Variants in DHRSX observed in about 807,000 individuals in gnomAD.
The protein encoded by DHRSX is polyprenol dehydrogenase.
In DHRSX, 31 loss-of-function variants were observed where a neutral mutation model predicts 34.0. That is an observed-to-expected ratio of 0.91 (90% CI 0.69 to 1.23). The LOEUF is 1.23. Ranked by LOEUF, DHRSX falls within the 50% of genes most tolerant of loss-of-function variation. The pLI is 0.00. For missense variants in DHRSX, 414 were observed against 428.1 expected (o/e 0.97, Z 0.29); for synonymous variants, 201 against 183.8 (o/e 1.09, Z -0.76).
At chrX:2,400,160 A>G (rs1031856797) in intron 3 of DHRSX, among the ~76,000 whole-genome samples, 6 of 152,196 alleles carry the variant, frequency 3.9e-5, no homozygotes, top group African/African-American at 1.4e-4. Flanking sequence ...CATTCACATA[A>G]AGTGCTGTGA....
chrX:2,405,728 C>T (rs2043545218), intron 3 of DHRSX, among the ~76,000 whole-genome samples: 1 of 151,564 alleles, frequency 6.6e-6, no homozygotes, highest in Admixed American at 6.6e-5. Context: ...GCCTGGGAGG[C>T]GGAGGTTGCA....
chrX:2,439,144 G>C (rs1330590900), intron 1 of DHRSX, among the ~76,000 whole-genome samples: 1 of 142,912 alleles, frequency 7.0e-6, no homozygotes, highest in Non-Finnish European at 1.5e-5. Flanking sequence ...AGACTTTTTT[G>C]TCTCAAAAAA....
At chrX:2,330,208 A>AG (rs1250222213) in intron 3 of DHRSX, among the ~76,000 whole-genome samples, 1 of 141,790 alleles carries the variant, frequency 7.1e-6, no homozygotes, top group East Asian at 2.1e-4. Context: ...GGGGAAGAGG[A>AG]GGTGAAGGAG....
chrX:2,440,457 C>T (rs1254374093), intron 1 of DHRSX, among the ~76,000 whole-genome samples: 1 of 152,028 alleles, frequency 6.6e-6, no homozygotes. Flanking sequence ...CCACCTTGGC[C>T]TCCCAAAATG....
At chrX:2,429,995 G>A (rs1289419896) in intron 1 of DHRSX, among the ~76,000 whole-genome samples, 5 of 152,132 alleles carry the variant, frequency 3.3e-5, no homozygotes, top group Non-Finnish European at 7.3e-5. Flanking sequence ...AAAAAGGTAG[G>A]GGAAGAGACA....
At chrX:2,337,018 C>T (rs1373530049) in intron 3 of DHRSX, among the ~76,000 whole-genome samples, 1 of 152,026 alleles carries the variant, frequency 6.6e-6, no homozygotes, top group Non-Finnish European at 1.5e-5. Flanking sequence ...GTTGGCCAGG[C>T]TGGTCTTGAA....
At chrX:2,422,365 C>T (rs1342374230) in intron 2 of DHRSX, among the ~76,000 whole-genome samples, 1 of 152,034 alleles carries the variant, frequency 6.6e-6, no homozygotes, top group Non-Finnish European at 1.5e-5. Context: ...CTGGCTCAAG[C>T]GATGCTCCCG....
intron 1 of DHRSX, among the ~76,000 whole-genome samples, chrX:2,476,427 G>C (rs1233753674): frequency 1.4e-5 from 2 of 146,904 alleles, no homozygotes; most frequent in Non-Finnish European, 3.0e-5. Context: ...GAAAAGAAAA[G>C]AAAACAGACA....
chrX:2,365,360 G>A (rs56152047), intron 3 of DHRSX, among the ~76,000 whole-genome samples: 48,432 of 151,814 alleles, frequency 0.32, 9,048 homozygotes, highest in Non-Finnish European at 0.44. Flanking sequence ...GGCTGGTCTC[G>A]AACTCCTGAC....
intron 3 of DHRSX, among the ~76,000 whole-genome samples, chrX:2,295,449 T>C (rs1311057859): frequency 6.6e-6 from 1 of 152,126 alleles, no homozygotes; most frequent in African/African-American, 2.4e-5. Context: ...AGGGAAGGGA[T>C]AGCTTTAGGA....
At chrX:2,433,822 T>C (rs190268387) in intron 1 of DHRSX, among the ~76,000 whole-genome samples, 21 of 152,304 alleles carry the variant, frequency 1.4e-4, no homozygotes, top group Admixed American at 1.2e-3. Context: ...TCGCCCAGGC[T>C]GGAATGCAGT....
chrX:2,336,848 T>TAGATATAG (rs1556479868), intron 3 of DHRSX, among the ~76,000 whole-genome samples: 3 of 151,576 alleles, frequency 2.0e-5, no homozygotes, highest in African/African-American at 7.2e-5. Context: ...GATAGATAGA[T>TAGATATAG]ATAGATAGAT....
chrX:2,464,108 G>C (rs1244549303), intron 1 of DHRSX, among the ~76,000 whole-genome samples: 1 of 152,046 alleles, frequency 6.6e-6, no homozygotes, highest in East Asian at 1.9e-4. Context: ...CCCTAAGTAC[G>C]TGGCTAAGGG....
chrX:2,475,557 G>C (rs1030400686), intron 1 of DHRSX, among the ~76,000 whole-genome samples: 6 of 151,848 alleles, frequency 4.0e-5, no homozygotes, highest in African/African-American at 1.2e-4. Context: ...CTAAGGGACC[G>C]CCGCCAGGTA....
At chrX:2,323,695 G>T (rs1230812468) in intron 3 of DHRSX, among the ~76,000 whole-genome samples, 1 of 152,120 alleles carries the variant, frequency 6.6e-6, no homozygotes. Context: ...CTCGAGCCCG[G>T]GAGGCTGAAG....
intron 3 of DHRSX, among the ~76,000 whole-genome samples, chrX:2,326,393 G>A (rs1325341751): frequency 6.6e-6 from 1 of 152,028 alleles, no homozygotes; most frequent in Admixed American, 6.6e-5. Context: ...CGTGGTGGCA[G>A]GCACCTGTAA....
chrX:2,437,985 G>A (rs780220333), intron 1 of DHRSX, among the ~76,000 whole-genome samples: 48 of 145,866 alleles, frequency 3.3e-4, no homozygotes, highest in African/African-American at 1.2e-3. Flanking sequence ...TCACGAGCCT[G>A]TGTGCTATTG....
At chrX:2,428,399 A>G (rs1410695875) in intron 1 of DHRSX, among the ~76,000 whole-genome samples, 1 of 152,220 alleles carries the variant, frequency 6.6e-6, no homozygotes, top group East Asian at 1.9e-4. Context: ...GACTGAATAA[A>G]GAAAATGTGG....
chrX:2,393,659 C>T, intron 3 of DHRSX, among the ~76,000 whole-genome samples: 1 of 150,512 alleles, frequency 6.6e-6, no homozygotes, highest in Non-Finnish European at 1.5e-5. Flanking sequence ...CTCCCCGTCT[C>T]CTCCGCACAC....
Sources: gnomAD v4.1 joint callset for allele counts (sites outside exome capture counted in the v4.1 genomes callset) on GRCh38, gnomAD v4.1.1 for gene constraint, MANE v1.5 for transcripts, NCBI Gene and HGNC (gene_info 2026-07-23, HGNC 2026-07-21) for gene names.